The following SPHKAP variants were observed in gnomAD, a reference collection of about 807,000 sequenced individuals.
SPHKAP encodes the protein SPHK1 interactor, AKAP domain containing, also known as A-kinase anchor protein SPHKAP.
In SPHKAP, 67 loss-of-function variants were observed where a neutral mutation model predicts 137.5. The observed-to-expected ratio is 0.49, with a 90% CI of 0.40 to 0.60. SPHKAP has a LOEUF of 0.60. Ranked by LOEUF, SPHKAP falls within the 20% of genes least tolerant of loss-of-function variation. The pLI, the probability that SPHKAP is intolerant of heterozygous loss-of-function variation, is 0.00. For synonymous variants in SPHKAP, 813 were observed against 785.3 expected, an observed-to-expected ratio of 1.04 and a Z score of -0.59; for missense variants, 2,097 against 2,069.3, an observed-to-expected ratio of 1.01 and a Z score of -0.26.
intron 3 of SPHKAP, among the ~76,000 whole-genome samples, chr2:228,052,854 G>A (rs1230214478): frequency 6.6e-6 from 1 of 151,990 alleles, no homozygotes; most frequent in Non-Finnish European, 1.5e-5. Context: ...CAGATTTGAG[G>A]CCCCTGAGTG....
At chr2:227,991,534 A>G (rs1410878596) in intron 9 of SPHKAP, 1 of 985,404 alleles carries the variant, frequency 1.0e-6, no homozygotes, top group Non-Finnish European at 1.2e-6. Flanking sequence ...TCCTCCAACA[A>G]CAACAACAGG....
chr2:228,050,707 A>G (rs1386397811), intron 3 of SPHKAP, among the ~76,000 whole-genome samples: 1 of 152,168 alleles, frequency 6.6e-6, no homozygotes, highest in Non-Finnish European at 1.5e-5. Flanking sequence ...TAGTCACCCT[A>G]CTGATCTATT....
At chr2:227,986,324 A>G (rs1033565878) in intron 11 of SPHKAP, among the ~76,000 whole-genome samples, 23 of 152,220 alleles carry the variant, frequency 1.5e-4, no homozygotes, top group Admixed American at 1.4e-3. Flanking sequence ...CAGGAATGGA[A>G]AACCTAACAT....
chr2:228,025,523 C>T lies in SPHKAP; in HGVS notation c.312G>A (p.Leu104=). ...ECSTEHLQQK[L]VNVSPDLPKL... ...TTGGAAGATCTGGTGAAACGTTGAC[C>T]AGTTTCTGTAAAGCAAGAATCTTTA... is the stretch of plus-strand genomic sequence containing the variant. The change falls in exon 5 of 12, where the codon CTG becomes CTA. Residue 104 remains leucine (L), a synonymous_variant. Coordinates refer to ENST00000392056, the MANE Select transcript of SPHKAP (RefSeq NM_001142644.2). 1 of 1,613,486 alleles carries T rather than the reference C, an allele frequency of 6.2e-7. No homozygotes were observed. Among genetic ancestry groups the T allele is most frequent in the Non-Finnish European group, 8.5e-7 (1 of 1,179,796 alleles).
intron 1 of SPHKAP, among the ~76,000 whole-genome samples, chr2:228,164,034 G>A (rs1020206168): frequency 1.3e-5 from 2 of 152,136 alleles, no homozygotes; most frequent in South Asian, 2.1e-4. Context: ...CTCCCAGTGT[G>A]GGTGGGCACC....
At chr2:228,173,864 C>G (rs1447805208) in intron 1 of SPHKAP, among the ~76,000 whole-genome samples, 1 of 152,198 alleles carries the variant, frequency 6.6e-6, no homozygotes, top group African/African-American at 2.4e-5. Context: ...CATGGCTACT[C>G]TAACAAGTTC....
At chr2:227,982,349 C>G in intron 11 of SPHKAP, 1 of 985,356 alleles carries the variant, frequency 1.0e-6, no homozygotes, top group Non-Finnish European at 1.2e-6. Context: ...TGAGAAGCAA[C>G]TCCCTCACCC....
chr2:228,079,304 C>T (rs1461878182), intron 3 of SPHKAP, among the ~76,000 whole-genome samples: 1 of 152,216 alleles, frequency 6.6e-6, no homozygotes, highest in Non-Finnish European at 1.5e-5. Context: ...TGCTTGCTTG[C>T]CTGCCACTCA....
intron 3 of SPHKAP, among the ~76,000 whole-genome samples, chr2:228,076,561 TG>T (rs1559160327): frequency 6.6e-6 from 1 of 152,164 alleles, no homozygotes; most frequent in Non-Finnish European, 1.5e-5. Context: ...GCAAAGAGAC[TG>T]GGGACATTTT....
At chr2:228,125,943 C>T (rs1233911530) in intron 2 of SPHKAP, among the ~76,000 whole-genome samples, 2 of 152,016 alleles carry the variant, frequency 1.3e-5, no homozygotes, top group Non-Finnish European at 1.5e-5. Flanking sequence ...AGCTGGGTGT[C>T]ATGGCGTCCA....
intron 3 of SPHKAP, among the ~76,000 whole-genome samples, chr2:228,041,231 C>T (rs1049139213): frequency 1.1e-4 from 16 of 152,144 alleles, no homozygotes; most frequent in Admixed American, 2.6e-4. Context: ...TACATGCTAA[C>T]ACTAGACTCT....
At chr2:228,061,892 G>C (rs1303113948) in intron 3 of SPHKAP, among the ~76,000 whole-genome samples, 1 of 151,954 alleles carries the variant, frequency 6.6e-6, no homozygotes, top group Non-Finnish European at 1.5e-5. Context: ...CCAGATTCTG[G>C]CTTTATTAGC....
chr2:228,122,869 A>C (rs1359820252), intron 2 of SPHKAP, among the ~76,000 whole-genome samples: 4 of 152,148 alleles, frequency 2.6e-5, no homozygotes, highest in African/African-American at 9.6e-5. Context: ...AACTGGGCTG[A>C]ATCTGAACTC....
intron 3 of SPHKAP, among the ~76,000 whole-genome samples, chr2:228,071,214 C>T (rs186927384): frequency 1.8e-4 from 27 of 152,314 alleles, no homozygotes; most frequent in African/African-American, 5.5e-4. Context: ...TTGCCTATCC[C>T]TTCCTGCCTT....
intron 3 of SPHKAP, among the ~76,000 whole-genome samples, chr2:228,032,010 C>G (rs1459349530): frequency 6.6e-6 from 1 of 152,186 alleles, no homozygotes; most frequent in African/African-American, 2.4e-5. Flanking sequence ...TCCTCACCAG[C>G]AACGGAACAA....
chr2:228,159,254 C>T (rs948543406), intron 1 of SPHKAP, among the ~76,000 whole-genome samples: 1 of 152,120 alleles, frequency 6.6e-6, no homozygotes, highest in African/African-American at 2.4e-5. Context: ...AGGAGAACTC[C>T]ATTTCTTAAA....
intron 3 of SPHKAP, among the ~76,000 whole-genome samples, chr2:228,061,322 G>A (rs1268529543): frequency 6.6e-6 from 1 of 152,052 alleles, no homozygotes; most frequent in South Asian, 2.1e-4. Flanking sequence ...ATTGTGCAGT[G>A]GCGTGATCTC....
At chr2:228,093,818 C>CCATTGCA (rs1697889657) in intron 3 of SPHKAP, among the ~76,000 whole-genome samples, 1 of 134,578 alleles carries the variant, frequency 7.4e-6, no homozygotes, top group South Asian at 2.5e-4. Context: ...CGAGATCACT[C>CCATTGCA]CATTGCACTC....
At chr2:228,005,629 A>AGTTT (rs1694099321) in intron 7 of SPHKAP, among the ~76,000 whole-genome samples, 1 of 152,192 alleles carries the variant, frequency 6.6e-6, no homozygotes, top group Non-Finnish European at 1.5e-5. Flanking sequence ...TAGTTGATGC[A>AGTTT]GTTTATTCCT....
Sources: gnomAD v4.1 joint callset for allele counts (sites outside exome capture counted in the v4.1 genomes callset) on GRCh38, gnomAD v4.1.1 for gene constraint, MANE v1.5 for transcripts, NCBI Gene and HGNC (gene_info 2026-07-23, HGNC 2026-07-21) for gene names.